The following TTLL5 variants were observed in gnomAD, a reference collection of about 807,000 sequenced individuals.
TTLL5 encodes the protein tubulin tyrosine ligase like 5, also known as tubulin polyglutamylase TTLL5.
In TTLL5, 132 loss-of-function variants were observed where a neutral mutation model predicts 168.4. The observed-to-expected ratio is 0.78, with a 90% CI of 0.68 to 0.91. The LOEUF (loss-of-function observed/expected upper bound fraction) is 0.91, where lower values mean the gene tolerates loss of function less well. TTLL5 is among the 40% of genes least tolerant of loss of function. The probability of loss-of-function intolerance (pLI) is 0.00; values close to 1 mark genes in which losing one functional copy is unlikely to be tolerated. For synonymous variants in TTLL5, 546 were observed against 558.6 expected (o/e 0.98, Z 0.32); for missense variants, 1,545 against 1,581.5 (o/e 0.98, Z 0.39).
rs768300225 is a variant in TTLL5, at chr14:75,771,786, C to T, written c.2068C>T (p.Arg690Cys). The stretch of plus-strand genomic sequence containing the variant: ...TGCCTATCTCCAGCATGTTCAAATT[C>T]GCCTGATGAAAGACAGTGGCGGTCA... ...FSAYLQHVQI[R>C]LMKDSGGQTF... Residue 690 changes from arginine (R) to cysteine (C), a missense_variant, in exon 21 of 32, where the codon CGC becomes TGC. By Grantham distance (180) the Arg-to-Cys change is radical. Coordinates refer to ENST00000298832, the MANE Select transcript of TTLL5 (RefSeq NM_015072.5). The T allele has an allele frequency of 4.3e-6, 7 of 1,613,904 alleles. No individual in the cohort carries two copies. The highest frequency in any genetic ancestry group is 3.3e-5 in the Admixed American group (2 of 59,990).
intron 16 of TTLL5, 90 bp from the exon 17 acceptor site, chr14:75,745,400 T>G: frequency 7.3e-7 from 1 of 1,363,456 alleles, no homozygotes; most frequent in Non-Finnish European, 1.0e-6. Context: ...ACTTTCATAT[T>G]CTTGGGTCAT....
intron 28 of TTLL5, among the ~76,000 whole-genome samples, chr14:75,831,669 A>G (rs1445617041): frequency 1.3e-5 from 2 of 152,128 alleles, no homozygotes; most frequent in East Asian, 3.8e-4. Flanking sequence ...GTCCTGCCTG[A>G]TGGCTTTTCA....
At chr14:75,775,208 T>C (rs1326625501) in intron 21 of TTLL5, among the ~76,000 whole-genome samples, 1 of 152,190 alleles carries the variant, frequency 6.6e-6, no homozygotes, top group Non-Finnish European at 1.5e-5. Flanking sequence ...TGTGGTACTT[T>C]TACAACTGCT....
chr14:75,739,059 G>A (rs1276001183), intron 15 of TTLL5, among the ~76,000 whole-genome samples: 2 of 151,932 alleles, frequency 1.3e-5, no homozygotes, highest in Non-Finnish European at 2.9e-5. Flanking sequence ...TGCCTGCCTC[G>A]GCCCTCCCAA....
intron 9 of TTLL5, among the ~76,000 whole-genome samples, chr14:75,714,932 A>G (rs1210536998): frequency 6.6e-6 from 1 of 152,158 alleles, no homozygotes; most frequent in Non-Finnish European, 1.5e-5. Context: ...GTACATCTGT[A>G]TTTCTATATC....
chr14:75,940,077 C>CTTTTTTTTTTTT (rs5809741), intron 31 of TTLL5, among the ~76,000 whole-genome samples: 2 of 78,818 alleles, frequency 2.5e-5, no homozygotes, highest in African/African-American at 1.0e-4. Context: ...GAAATTAAAT[C>CTTTTTTTTTTTT]TTTTTTTTTT....
At chr14:75,782,251 C>G (rs1482934559) in intron 24 of TTLL5, among the ~76,000 whole-genome samples, 1 of 151,920 alleles carries the variant, frequency 6.6e-6, no homozygotes, top group South Asian at 2.1e-4. Flanking sequence ...GTTTAGGTAC[C>G]GTTCGCCAGT....
intron 28 of TTLL5, among the ~76,000 whole-genome samples, chr14:75,859,273 T>C (rs1897291156): frequency 6.6e-6 from 1 of 152,260 alleles, no homozygotes; most frequent in Non-Finnish European, 1.5e-5. Flanking sequence ...CAATGTTTAT[T>C]GGCTGGAGGT....
chr14:75,783,186 A>G lies in TTLL5; in HGVS notation c.2642A>G (p.Tyr881Cys). The G allele has an allele frequency of 1.9e-6, 3 of 1,613,390 alleles. No homozygotes were observed. The highest frequency in any genetic ancestry group is 2.5e-6 in the Non-Finnish European group (3 of 1,179,978). ...GCAGAAAAAGAGGCAAAATTAGTTT[A>G]TAGCAATTCCTCCTCTGGTCCTACT... ...TSAEKEAKLV[Y>C]SNSSSGPTAT... The change falls in exon 26 of 32, where the codon TAT (tyrosine) becomes TGT (cysteine). Residue 881 changes from tyrosine to cysteine, a missense_variant. By Grantham distance (194) the Tyr-to-Cys change is radical. Transcript: ENST00000298832.
chr14:75,941,956 C>T (rs566943032), intron 31 of TTLL5, among the ~76,000 whole-genome samples: 7 of 146,596 alleles, frequency 4.8e-5, no homozygotes, highest in South Asian at 4.4e-4. Context: ...CCGAGGCAGG[C>T]GGATCACGAG....
intron 29 of TTLL5, among the ~76,000 whole-genome samples, chr14:75,880,924 C>G (rs1036410693): frequency 4.6e-5 from 7 of 152,008 alleles, no homozygotes; most frequent in Admixed American, 6.6e-5. Flanking sequence ...CTTCCCCCCG[C>G]TTTTTTTGAG....
chr14:75,884,574 G>GA (rs2031998259), intron 30 of TTLL5, among the ~76,000 whole-genome samples: 1 of 152,152 alleles, frequency 6.6e-6, no homozygotes, highest in Non-Finnish European at 1.5e-5. Flanking sequence ...CAGAAGGGGG[G>GA]AAAAAGCGGA....
chr14:75,827,707 C>CCTTTTTTT (rs1895278984), intron 28 of TTLL5, among the ~76,000 whole-genome samples: 1 of 53,170 alleles, frequency 1.9e-5, no homozygotes, highest in Admixed American at 3.5e-4. Flanking sequence ...TGGCTTGGTT[C>CCTTTTTTT]TTTTTTTTTT....
At chr14:75,813,466 C>T (rs1190789553) in intron 27 of TTLL5, among the ~76,000 whole-genome samples, 1 of 152,008 alleles carries the variant, frequency 6.6e-6, no homozygotes, top group Non-Finnish European at 1.5e-5. Context: ...CCACACTCAG[C>T]TAATTTTTAT....
At chr14:75,801,149 G>A (rs762751842) in intron 27 of TTLL5, among the ~76,000 whole-genome samples, 3 of 152,156 alleles carry the variant, frequency 2.0e-5, no homozygotes, top group African/African-American at 4.8e-5. Context: ...TCAGGTTGGG[G>A]CAGAGTTAGG....
Position 75,793,062 on chromosome 14 carries a change from T to A in TTLL5, c.3133T>A (p.Tyr1045Asn). 6.2e-7 allele frequency: 1 copy of A among 1,613,524 alleles called. No homozygotes were observed. Among genetic ancestry groups the A allele is most frequent in the Non-Finnish European group, 8.5e-7 (1 of 1,179,636 alleles). ...RLAEKQAARQYSPSSHINLLT... is the reference protein window; with the variant it reads ...RLAEKQAARQNSPSSHINLLT... ...AGCTGAGAAGCAGGCAGCGAGACAG[T>A]ATTCTCCATCCAGCCACATCAACCT... The change falls in exon 27 of 32, where the codon TAT (tyrosine) becomes AAT (asparagine). Residue 1045 changes from tyrosine (Y) to asparagine (N), a missense_variant. Physicochemically the swap from Tyr to Asn is moderately radical, Grantham distance 143. Transcript: ENST00000298832.
intron 3 of TTLL5, 32 bp from the exon 4 acceptor site, chr14:75,681,513 T>G (rs1566812270): frequency 1.9e-6 from 3 of 1,589,270 alleles, no homozygotes; most frequent in Non-Finnish European, 2.6e-6. Flanking sequence ...GTTAACTTTC[T>G]AGTTACTGAA....
At chr14:75,748,748 T>A (rs1434013813) in intron 17 of TTLL5, among the ~76,000 whole-genome samples, 1 of 152,264 alleles carries the variant, frequency 6.6e-6, no homozygotes, top group Non-Finnish European at 1.5e-5. Flanking sequence ...TCTGTTGATC[T>A]GTATCTTCTC....
intron 29 of TTLL5, 64 bp downstream of exon 29, chr14:75,863,926 A>AAAAAAAAAAAAAAAAAAAAAG (rs1325156608): frequency 6.4e-6 from 8 of 1,257,772 alleles, no homozygotes; most frequent in African/African-American, 5.8e-5. Context: ...AAAAAAAAAA[A>AAAAAAAAAAAAAAAAAAAAAG]AAAAAAAAGG....
Sources: allele counts gnomAD v4.1 joint callset (sites outside exome capture counted in the v4.1 genomes callset), GRCh38; gene constraint gnomAD v4.1.1; transcripts MANE v1.5; gene names NCBI Gene and HGNC (gene_info 2026-07-23, HGNC 2026-07-21).